SMYD4: variants seen among roughly 807,000 people sequenced by gnomAD.
SMYD4 encodes the protein SET and MYND domain containing 4, also known as protein-lysine N-methyltransferase SMYD4.
Under a neutral mutation model 72.8 loss-of-function variants are expected in SMYD4, and 68 were observed. The observed-to-expected ratio is 0.93, with a 90% confidence interval of 0.77 to 1.14. The LOEUF is 1.14. Among genes scored for constraint, SMYD4 ranks in the 50% most tolerant of loss-of-function variants. SMYD4 has a pLI of 0.00. For synonymous variants in SMYD4, 407 were observed against 388.6 expected (o/e 1.05, Z -0.56); for missense variants, 984 against 1,003.7 (o/e 0.98, Z 0.27).
rs796389357 is a variant in SMYD4 at position 1,780,623 on chromosome 17, AT to A, written c.*662del. 0.06 allele frequency: 7,368 copies of A among 123,548 alleles called. 597 individuals are homozygous for A. The highest frequency in any genetic ancestry group is 0.23 in the African/African-American group (6,872 of 29,828). 7.7% of individuals were successfully genotyped at this position (123,548 alleles called of 1,614,324 possible). On this transcript the variant is annotated 3_prime_UTR_variant, in exon 11 of 11. Transcript: ENST00000305513. ...ACATCTGGCAGCAGAACCTCTTAAT[AT>A]TTTTTTTTTTTCTTTGAGATGGAGT...
intron 3 of SMYD4, 47 bp downstream of exon 3, chr17:1,811,924 C>G: frequency 6.3e-7 from 1 of 1,598,452 alleles, no homozygotes; most frequent in Non-Finnish European, 8.5e-7. Context: ...AAGATTCTGT[C>G]TCAGAGAAAA....
Position 1,829,817 on chromosome 17 carries a change from G to A in SMYD4, c.-104C>T. On this transcript the variant is annotated 5_prime_UTR_variant, in exon 1 of 11. Coordinates refer to ENST00000305513, the MANE Select transcript of SMYD4 (RefSeq NM_052928.3). ...CCCTGGTCTCCCTCCCAGCGCCCGC[G>A]CAGCTCCTGGCGCGCCCCTTGGCGC... The A allele has an allele frequency of 3.8e-6, 1 of 262,766 alleles. No individual in the cohort carries two copies. Among genetic ancestry groups the A allele is most frequent in the Non-Finnish European group, 7.1e-6 (1 of 141,182 alleles). The allele number at this position is 262,766 out of a possible 1,614,324, so 16.3% of individuals were successfully genotyped here.
chr17:1,784,526 C>A, intron 7 of SMYD4, 65 bp from the exon 8 acceptor site: 1 of 1,596,982 alleles, frequency 6.3e-7, no homozygotes, highest in Admixed American at 1.7e-5. Flanking sequence ...CCTGTGCTTA[C>A]ATTACAGGAC....
chr17:1,827,976 C>CCT lies in SMYD4; in HGVS notation c.18_19insAG (p.Glu7ArgfsTer28), dbSNP rs761979182. 4 of 1,611,832 alleles carry CCT rather than the reference C, an allele frequency of 2.5e-6. No individual in the cohort carries two copies. Among genetic ancestry groups the CCT allele is most frequent in the Non-Finnish European group, 2.5e-6 (3 of 1,178,038 alleles). On this transcript the variant is annotated frameshift_variant, in exon 2 of 11. Transcript: ENST00000305513. LOFTEE classifies it high-confidence loss of function. ...TTTTGAAGCAGATATGATTTCCATT[C>CCT]ATCCACAGGCAGATCCATGCTGCTT...
intron 2 of SMYD4, among the ~76,000 whole-genome samples, chr17:1,821,495 CAA>C (rs1385141326): frequency 6.6e-6 from 1 of 151,964 alleles, no homozygotes; most frequent in Non-Finnish European, 1.5e-5. Flanking sequence ...GGCTGGGTGA[CAA>C]GAGCGAAACT....
At chr17:1,806,354 C>A (rs1910034406) in intron 3 of SMYD4, among the ~76,000 whole-genome samples, 1 of 151,948 alleles carries the variant, frequency 6.6e-6, no homozygotes, top group Non-Finnish European at 1.5e-5. Flanking sequence ...ATCTTCACAC[C>A]AAAAACCAAT....
At chr17:1,807,141 C>T (rs1033153391) in intron 3 of SMYD4, among the ~76,000 whole-genome samples, 6 of 152,062 alleles carry the variant, frequency 3.9e-5, no homozygotes, top group Non-Finnish European at 7.4e-5. Flanking sequence ...CCACCCGTCT[C>T]GGTCTCCCAA....
intron 3 of SMYD4, among the ~76,000 whole-genome samples, chr17:1,810,626 C>T (rs1910283539): frequency 1.3e-5 from 2 of 152,180 alleles, no homozygotes; most frequent in Admixed American, 6.5e-5. Context: ...CACCCTTGGG[C>T]CTGTGTCCAC....
rs755369665 is a variant in SMYD4, at chr17:1,800,589, G to T, written c.805C>A (p.Leu269Ile). 1.3e-5 allele frequency: 21 copies of T among 1,614,092 alleles called. No homozygotes were observed. Among genetic ancestry groups the T allele is most frequent in the Non-Finnish European group, 1.7e-5 (20 of 1,179,966 alleles). ...GGTGGTGGCAGTTCTCCTGGGTTGA[G>T]AACACTCACAAAAGCATCCTCCTGC... ...LVQEDAFVSV[L>I]NPGELPPPHH... Residue 269 changes from leucine to isoleucine, a missense_variant, in exon 5 of 11, where the codon CTC becomes ATC. Coordinates refer to ENST00000305513, the MANE Select transcript of SMYD4 (RefSeq NM_052928.3).
At chr17:1,828,556 G>C (rs1287570645) in intron 1 of SMYD4, among the ~76,000 whole-genome samples, 2 of 150,606 alleles carry the variant, frequency 1.3e-5, no homozygotes, top group Non-Finnish European at 2.9e-5. Context: ...GTTATACAAA[G>C]ACGAAGCAGA....
chr17:1,824,597 G>A (rs1022864984), intron 2 of SMYD4, among the ~76,000 whole-genome samples: 1 of 151,882 alleles, frequency 6.6e-6, no homozygotes, highest in Non-Finnish European at 1.5e-5. Flanking sequence ...GAGTTCTCAC[G>A]AAATCTGATT....
In SMYD4 at chr17:1,799,792, TC is replaced by T. The variant is rs1175565928; in HGVS notation, c.1537+64del. ...AATCCTATTTTCCTTTGGAATTGTT[TC>T]TTCTCAAACACCTGCTCCATCGAGA... On this transcript the variant is annotated intron_variant, in intron 5 of 10. Transcript: ENST00000305513. The T allele has an allele frequency of 2.1e-6, 3 of 1,440,776 alleles. No homozygotes were observed. In the African/African-American group the frequency reaches 4.3e-5, roughly 20 times the overall value. The allele number at this position is 1,440,776 out of a possible 1,614,324, so 89.2% of individuals were successfully genotyped here.
intron 3 of SMYD4, 72 bp from the exon 4 acceptor site, chr17:1,804,787 C>T (rs960502062): frequency 4.2e-5 from 62 of 1,477,632 alleles, no homozygotes; most frequent in Middle Eastern, 1.8e-4. Context: ...TCAGATATTC[C>T]GGGCTCTAGT....
chr17:1,794,060 T>C (rs573639184), intron 5 of SMYD4, among the ~76,000 whole-genome samples: 18 of 75,666 alleles, frequency 2.4e-4, no homozygotes, highest in Non-Finnish European at 4.6e-4. Flanking sequence ...TATGTGTGTA[T>C]ATATATGTGT....
chr17:1,814,148 T>C (rs985321016), intron 2 of SMYD4, among the ~76,000 whole-genome samples: 1 of 151,406 alleles, frequency 6.6e-6, no homozygotes. Flanking sequence ...CTACAAAAAA[T>C]ACAAAAATTA....
intron 3 of SMYD4, among the ~76,000 whole-genome samples, chr17:1,807,811 C>T (rs9913613): frequency 6.6e-6 from 1 of 152,002 alleles, no homozygotes; most frequent in East Asian, 1.9e-4. Flanking sequence ...TTTACACACG[C>T]CTGGAGTATG....
intron 10 of SMYD4, 159 bp downstream of exon 10, chr17:1,782,876 G>C: frequency 8.5e-7 from 1 of 1,180,416 alleles, no homozygotes; most frequent in South Asian, 1.7e-5. Flanking sequence ...AAATTCTAAA[G>C]CGTTATGTTT....
In SMYD4 at chr17:1,809,719, G is replaced by C. The variant is rs1227715081; in HGVS notation, c.279+2252C>G. 4.1e-5 allele frequency among the ~76,000 whole-genome samples: 6 copies of C among 146,702 alleles called. No homozygotes were observed. The Admixed American group carries it at 4.1e-4, about 10-fold the overall frequency. On this transcript the variant is annotated intron_variant, in intron 3 of 10. Transcript: ENST00000305513. Reference sequence around the variant, plus strand: ...CAGTCTCGCTCTGTCGCCCAGGCTGGAGTGCAGTGGCGCGATCTCGGCTCA... The same window carrying C: ...CAGTCTCGCTCTGTCGCCCAGGCTGCAGTGCAGTGGCGCGATCTCGGCTCA...
chr17:1,794,105 A>ATATATATATATATATATATATATATT (rs1291818005), intron 5 of SMYD4, among the ~76,000 whole-genome samples: 1 of 12,982 alleles, frequency 7.7e-5, no homozygotes, highest in African/African-American at 3.6e-4. Context: ...ATATATATAT[A>ATATATATATATATATATATATATATT]TTTTTTTTTT....
Sources: allele counts gnomAD v4.1 joint callset (sites outside exome capture counted in the v4.1 genomes callset), GRCh38; gene constraint gnomAD v4.1.1; transcripts MANE v1.5; gene names NCBI Gene and HGNC (gene_info 2026-07-23, HGNC 2026-07-21).